HM13: variants seen among roughly 807,000 people sequenced by gnomAD.
The protein encoded by HM13 is signal peptide peptidase.
Under a neutral mutation model 50.0 loss-of-function variants are expected in HM13, and 18 were observed. The observed-to-expected ratio is 0.36, with a 90% CI of 0.25 to 0.53. The LOEUF (loss-of-function observed/expected upper bound fraction) is 0.53. HM13 is among the 20% of genes least tolerant of loss of function. The pLI is 0.90. For missense variants in HM13, 393 were observed against 552.4 expected (o/e 0.71, Z 2.89); for synonymous variants, 197 against 232.6 (o/e 0.85, Z 1.39).
In HM13 at chr20:31,548,645, T is replaced by C. The variant is rs1485378149; in HGVS notation, c.455-384T>C. The C allele has an allele frequency of 1.1e-5, 3 of 283,566 alleles. No homozygotes were observed. The Admixed American group carries it at 1.4e-4, about 13-fold the overall frequency. The allele number at this position is 283,566 out of a possible 1,614,324, so 17.6% of individuals were successfully genotyped here. On this transcript the variant is annotated intron_variant, in intron 4 of 12. Transcript: ENST00000398174. ...CTTACTTATTCCCCCACAGCAGCCC[T>C]AAGAAGGGGTGCTGTTATCCCCTTT...
chr20:31,558,500 G>A (rs1984437028), intron 8 of HM13, among the ~76,000 whole-genome samples: 1 of 152,070 alleles, frequency 6.6e-6, no homozygotes, highest in Admixed American at 6.6e-5. Flanking sequence ...CTCAGTCCCT[G>A]CCACATCTCC....
At position 31,569,255 on chromosome 20, in the gene HM13, G is replaced by C. The variant is rs1433070845; in HGVS notation, c.*36G>C. ...GCCCGAGCCTCTCAGGGCCAGACCA[G>C]ACAGATGGGGGCTGGGCCCACACAG... On this transcript the variant is annotated 3_prime_UTR_variant, in exon 13 of 13. Coordinates refer to ENST00000398174, the MANE Select transcript of HM13 (RefSeq NM_178581.3). 2 of 1,400,056 alleles carry C rather than the reference G, an allele frequency of 1.4e-6. No individual in the cohort carries two copies. Among genetic ancestry groups the C allele is most frequent in the Admixed American group, 3.8e-5 (2 of 52,226 alleles). 86.7% of individuals were successfully genotyped at this position (1,400,056 alleles called of 1,614,324 possible). A position where few individuals can be genotyped will look rare whatever the true frequency, so the allele number is the denominator to read the frequency against.
intron 10 of HM13, among the ~76,000 whole-genome samples, chr20:31,565,043 G>A (rs1984825348): frequency 6.6e-6 from 1 of 151,294 alleles, no homozygotes; most frequent in African/African-American, 2.4e-5. Context: ...GCAGGCACCT[G>A]TAGTCCCAGC....
At chr20:31,555,178 A>C (rs544844346) in intron 8 of HM13, among the ~76,000 whole-genome samples, 1 of 152,190 alleles carries the variant, frequency 6.6e-6, no homozygotes, top group East Asian at 1.9e-4. Context: ...AACAGACTGG[A>C]CCCCTGTCAC....
chr20:31,544,460 A>C (rs919105208), intron 3 of HM13, among the ~76,000 whole-genome samples: 1 of 152,188 alleles, frequency 6.6e-6, no homozygotes, highest in African/African-American at 2.4e-5. Flanking sequence ...TGAGTCTGTA[A>C]AAATCTCAGT....
In HM13 at chr20:31,519,335, A is replaced by G. The variant is rs998225094; in HGVS notation, c.183+4601A>G. On this transcript the variant is annotated intron_variant, in intron 1 of 12. Coordinates refer to ENST00000398174, the MANE Select transcript of HM13 (RefSeq NM_178581.3). ...AGGCTGGTCCTGAACTCCTGACCTC[A>G]GGTGATCCACCCGCCTTGGCCTCCC... Among the ~76,000 whole-genome samples the G allele has an allele frequency of 3.3e-5, 5 of 152,334 alleles. No individual in the cohort carries two copies. In the South Asian group the frequency reaches 6.2e-4, roughly 19 times the overall value.
chr20:31,523,485 A>G lies in HM13; in HGVS notation c.184-3999A>G, dbSNP rs541522374. On this transcript the variant is annotated intron_variant, in intron 1 of 12. Transcript: ENST00000398174. ...ACCATGTTGGCCAGGCTGATCTCGA[A>G]ATCCTGACCTCAGGTGATCCGCCCG... is the stretch of plus-strand genomic sequence containing the variant. Among the ~76,000 whole-genome samples the G allele has an allele frequency of 1.5e-3, 231 of 152,142 alleles. 2 individuals carry two copies. Among genetic ancestry groups the G allele is most frequent in the Middle Eastern group, 3.4e-3 (1 of 294 alleles).
intron 2 of HM13, among the ~76,000 whole-genome samples, chr20:31,528,867 C>T (rs1255241976): frequency 4.0e-5 from 6 of 150,746 alleles, no homozygotes; most frequent in Admixed American, 3.3e-4. Flanking sequence ...ACCTCTCCCT[C>T]CCAAAGTGCT....
rs148225951 is a variant in HM13 at position 31,542,479 on chromosome 20, G to A, written c.366-2468G>A. 3.2e-3 allele frequency among the ~76,000 whole-genome samples: 480 copies of A among 152,294 alleles called. 1 individual carries two copies. Among genetic ancestry groups the A allele is most frequent in the Non-Finnish European group, 4.9e-3 (336 of 68,028 alleles). ...GTCAGTGGGAAGCAATGACCTTTAC[G>A]TTTGACATGAGCCATCAAGGGCCAG... On this transcript the variant is annotated intron_variant, in intron 3 of 12. Transcript: ENST00000398174.
intron 2 of HM13, among the ~76,000 whole-genome samples, 183 bp downstream of exon 2, chr20:31,527,765 A>T (rs1052660215): frequency 6.6e-6 from 1 of 151,914 alleles, no homozygotes; most frequent in African/African-American, 2.4e-5. Context: ...ACCCTTTCTC[A>T]CTAGTCCGTA....
At chr20:31,538,433 A>T in intron 3 of HM13, 172 bp downstream of exon 3, 1 of 1,440,652 alleles carries the variant, frequency 6.9e-7, no homozygotes, top group Non-Finnish European at 9.2e-7. Flanking sequence ...AAGAACAATG[A>T]CCTCTCTGGG....
At chr20:31,535,825 C>G (rs116064318) in intron 2 of HM13, among the ~76,000 whole-genome samples, 1 of 152,326 alleles carries the variant, frequency 6.6e-6, no homozygotes, top group African/African-American at 2.4e-5. Flanking sequence ...AGACACCAAT[C>G]ACACAGATAG....
intron 2 of HM13, among the ~76,000 whole-genome samples, chr20:31,530,459 A>T (rs1982749533): frequency 6.7e-6 from 1 of 149,734 alleles, no homozygotes; most frequent in African/African-American, 2.5e-5. Flanking sequence ...GCCAGGCTGG[A>T]GTGCAGTGGC....
At chr20:31,568,842 C>T (rs1378998005) in intron 12 of HM13, among the ~76,000 whole-genome samples, 3 of 152,206 alleles carry the variant, frequency 2.0e-5, no homozygotes, top group African/African-American at 7.2e-5. Flanking sequence ...TGAAATCAGC[C>T]CACACAAGCC....
chr20:31,567,973 A>G (rs1985018859), intron 11 of HM13, 105 bp from the exon 12 acceptor site: 2 of 1,031,768 alleles, frequency 1.9e-6, no homozygotes, highest in Admixed American at 3.3e-5. Flanking sequence ...ATAGGTAAAA[A>G]CAAGACAGTT....
intron 9 of HM13, among the ~76,000 whole-genome samples, chr20:31,560,263 G>T (rs1219788458): frequency 6.6e-6 from 1 of 152,208 alleles, no homozygotes; most frequent in Non-Finnish European, 1.5e-5. Context: ...CGTCAGCAGG[G>T]GGCGCCAGCA....
At chr20:31,518,629 G>A (rs1981950334) in intron 1 of HM13, among the ~76,000 whole-genome samples, 2 of 151,802 alleles carry the variant, frequency 1.3e-5, no homozygotes, top group African/African-American at 4.8e-5. Context: ...CTGGTCGACA[G>A]AGTGAGACTC....
At position 31,569,244 on chromosome 20, in the gene HM13, G is replaced by C; in HGVS notation, c.*25G>C. On this transcript the variant is annotated 3_prime_UTR_variant, in exon 13 of 13. Transcript: ENST00000398174. ...ATGCAGCTGGTGCCCGAGCCTCTCA[G>C]GGCCAGACCAGACAGATGGGGGCTG... 6.7e-7 allele frequency: 1 copy of C among 1,488,942 alleles called. No individual in the cohort carries two copies. Among genetic ancestry groups the C allele is most frequent in the Non-Finnish European group, 9.2e-7 (1 of 1,086,006 alleles). The allele number at this position is 1,488,942 out of a possible 1,614,324, so 92.2% of individuals were successfully genotyped here.
At chr20:31,531,964 G>A (rs1982845706) in intron 2 of HM13, among the ~76,000 whole-genome samples, 1 of 151,954 alleles carries the variant, frequency 6.6e-6, no homozygotes, top group Non-Finnish European at 1.5e-5. Flanking sequence ...GACAATAAAA[G>A]CAGAAAAACA....
Sources: allele counts gnomAD v4.1 joint callset (sites outside exome capture counted in the v4.1 genomes callset), GRCh38; gene constraint gnomAD v4.1.1; transcripts MANE v1.5; gene names NCBI Gene and HGNC (gene_info 2026-07-23, HGNC 2026-07-21).